FAM135B: variants seen among roughly 807,000 people sequenced by gnomAD.
FAM135B encodes family with sequence similarity 135 member B, also known as protein FAM135B.
A neutral mutation model predicts 127.7 loss-of-function variants in FAM135B; 43 were observed. The ratio of observed to expected loss-of-function variants is 0.34; its 90% CI spans 0.26 to 0.43. The LOEUF is 0.43. Among genes scored for constraint, FAM135B ranks in the 20% least tolerant of loss-of-function variants. The pLI is 1.00. For synonymous variants in FAM135B, 670 were observed against 665.1 expected, an observed-to-expected ratio of 1.01 and a Z score of -0.11; for missense variants, 1,558 against 1,725.6, an observed-to-expected ratio of 0.90 and a Z score of 1.72.
rs750591859 is a variant in FAM135B, at chr8:138,241,383, T to C, written c.669+1559A>G. Among the ~76,000 whole-genome samples the C allele has an allele frequency of 2.0e-5, 3 of 152,192 alleles. No individual in the cohort carries two copies. Among genetic ancestry groups the C allele is most frequent in the Non-Finnish European group, 4.4e-5 (3 of 68,038 alleles). ...CTTATTTGGCTCTAAAATCTGCTCC[T>C]TCCATGGCACAGAACCCCATTCTGG... is the stretch of plus-strand genomic sequence containing the variant. On this transcript the variant is annotated intron_variant, in intron 7 of 19. Coordinates refer to ENST00000395297, the MANE Select transcript of FAM135B (RefSeq NM_015912.4). This position sits in a 1 kb window ranked among gnomAD's most constrained non-coding sequence, Gnocchi z 4.8.
chr8:138,408,310 T>G (rs1248557742), intron 1 of FAM135B, among the ~76,000 whole-genome samples: 1 of 152,198 alleles, frequency 6.6e-6, no homozygotes, highest in East Asian at 1.9e-4. Context: ...CAGCTAGATC[T>G]TCTAACTTCT....
chr8:138,355,668 G>A (rs1830051145), intron 2 of FAM135B, among the ~76,000 whole-genome samples: 1 of 152,158 alleles, frequency 6.6e-6, no homozygotes, highest in Non-Finnish European at 1.5e-5. Context: ...ATTCAAGGAA[G>A]AGACCCTGGC....
chr8:138,372,981 TGACA>T (rs1831241244), intron 1 of FAM135B, among the ~76,000 whole-genome samples: 1 of 152,178 alleles, frequency 6.6e-6, no homozygotes, highest in African/African-American at 2.4e-5. Context: ...TGAGTTTAAA[TGACA>T]ATTAAATTCC....
intron 3 of FAM135B, among the ~76,000 whole-genome samples, chr8:138,276,326 A>T (rs1823819441): frequency 6.6e-6 from 1 of 152,126 alleles, no homozygotes; most frequent in Non-Finnish European, 1.5e-5. Flanking sequence ...CAGTGTCCCC[A>T]CCCAGTCACG....
chr8:138,177,328 G>A lies in FAM135B; in HGVS notation c.1103+19C>T, dbSNP rs1261626888. On this transcript the variant is annotated intron_variant, in intron 11 of 19. Transcript: ENST00000395297. ...GTGGCTGCTTTTAGGGATGAAGTGG[G>A]CATGCAATGGATACTTACAGATTCT... is the stretch of plus-strand genomic sequence containing the variant. 1 of 1,610,056 alleles carries A rather than the reference G, an allele frequency of 6.2e-7. No individual in the cohort carries two copies. The highest frequency in any genetic ancestry group is 8.5e-7 in the Non-Finnish European group (1 of 1,177,088).
At chr8:138,307,089 G>C (rs959203951) in intron 3 of FAM135B, among the ~76,000 whole-genome samples, 1 of 152,178 alleles carries the variant, frequency 6.6e-6, no homozygotes. Context: ...ACATGGTTTT[G>C]CTATGTCCCC....
chr8:138,143,213 A>G (rs1817364674), intron 15 of FAM135B, 104 bp from the exon 16 acceptor site: 1 of 676,022 alleles, frequency 1.5e-6, no homozygotes, highest in Non-Finnish European at 2.7e-6. Flanking sequence ...CCTACTGGGG[A>G]TGTGCCTACC....
chr8:138,178,708 G>A lies in FAM135B; in HGVS notation c.874-18C>T, dbSNP rs2130984556. On this transcript the variant is annotated intron_variant, in intron 9 of 19. Coordinates refer to ENST00000395297, the MANE Select transcript of FAM135B (RefSeq NM_015912.4). ...TTCAACATCTGGAGAGGCAAAAAAG[G>A]TGGTATTCAAGGCTCCTGACTCCAT... The A allele has an allele frequency of 6.2e-7, 1 of 1,613,292 alleles. No individual in the cohort carries two copies. The highest frequency in any genetic ancestry group is 8.5e-7 in the Non-Finnish European group (1 of 1,179,432).
intron 1 of FAM135B, among the ~76,000 whole-genome samples, chr8:138,460,213 C>T (rs146415618): frequency 3.9e-5 from 6 of 152,242 alleles, no homozygotes; most frequent in East Asian, 3.9e-4. Flanking sequence ...CAGATGAGGA[C>T]GCTGAGGCAC....
At chr8:138,328,110 C>T (rs1827935040) in intron 2 of FAM135B, among the ~76,000 whole-genome samples, 1 of 152,090 alleles carries the variant, frequency 6.6e-6, no homozygotes, top group Non-Finnish European at 1.5e-5. Flanking sequence ...CAGCATACTT[C>T]TTCAGTTTTA....
chr8:138,214,405 A>G (rs1224871253), intron 7 of FAM135B, among the ~76,000 whole-genome samples: 1 of 152,244 alleles, frequency 6.6e-6, no homozygotes, highest in Non-Finnish European at 1.5e-5. Context: ...TGGACTAGGC[A>G]CCAAGCTGAA....
chr8:138,311,697 G>A (rs996738642), intron 2 of FAM135B, among the ~76,000 whole-genome samples: 41 of 152,182 alleles, frequency 2.7e-4, no homozygotes, highest in Non-Finnish European at 5.4e-4. Context: ...GAACACATCA[G>A]TCTCCTGTGG....
At chr8:138,190,086 T>A (rs1480013406) in intron 9 of FAM135B, among the ~76,000 whole-genome samples, 2 of 152,204 alleles carry the variant, frequency 1.3e-5, no homozygotes, top group African/African-American at 4.8e-5. Context: ...GTGGTACCCT[T>A]GCAACTTATC....
chr8:138,267,581 A>C (rs1563838507), intron 3 of FAM135B, among the ~76,000 whole-genome samples: 2 of 151,904 alleles, frequency 1.3e-5, no homozygotes, highest in South Asian at 2.1e-4. Context: ...AAAAAAAAAA[A>C]AAAAACAGCC....
chr8:138,388,657 C>G (rs981980918), intron 1 of FAM135B, among the ~76,000 whole-genome samples: 2 of 152,096 alleles, frequency 1.3e-5, no homozygotes, highest in African/African-American at 4.8e-5. Context: ...ATGCTATATA[C>G]CATATGATTC....
At chr8:138,457,974 CAAAA>C (rs530760937) in intron 1 of FAM135B, among the ~76,000 whole-genome samples, 4 of 76,984 alleles carry the variant, frequency 5.2e-5, no homozygotes, top group Admixed American at 1.6e-4. Context: ...GACTCCATCT[CAAAA>C]AAAAAAAAAA....
At chr8:138,326,690 A>G (rs118040074) in intron 2 of FAM135B, among the ~76,000 whole-genome samples, 5,411 of 152,284 alleles carry the variant, frequency 0.036, 136 homozygotes, top group Non-Finnish European at 0.054. Context: ...AACATATGAT[A>G]GAATCCAGGT....
At chr8:138,191,964 C>A (rs1490452334) in intron 9 of FAM135B, among the ~76,000 whole-genome samples, 1 of 152,214 alleles carries the variant, frequency 6.6e-6, no homozygotes, top group Admixed American at 6.5e-5. Flanking sequence ...TTGCATCACA[C>A]TGGGGAGGGC....
chr8:138,284,786 C>T (rs1197720911), intron 3 of FAM135B, among the ~76,000 whole-genome samples: 1 of 151,966 alleles, frequency 6.6e-6, no homozygotes, highest in Non-Finnish European at 1.5e-5. Flanking sequence ...GTCTGTGCAA[C>T]TGGATACAAG....
Sources: allele counts gnomAD v4.1 joint callset (sites outside exome capture counted in the v4.1 genomes callset), GRCh38; gene constraint gnomAD v4.1.1; non-coding constraint Gnocchi (gnomAD v3.1); transcripts MANE v1.5; gene names NCBI Gene and HGNC (gene_info 2026-07-23, HGNC 2026-07-21).